The following TSC2 variants were observed in gnomAD, a reference collection of about 807,000 sequenced individuals.
The protein encoded by TSC2 is TSC complex subunit 2, also known as tuberin.
TSC2 carries 29 observed loss-of-function variants against 202.2 expected under a neutral mutation model. The ratio of observed to expected loss-of-function variants is 0.14; its 90% CI spans 0.11 to 0.20. TSC2 has a LOEUF of 0.20. Ranked by LOEUF, TSC2 falls within the 10% of genes least tolerant of loss-of-function variation. The pLI is 1.00. For missense variants in TSC2, 2,429 were observed against 2,420.0 expected (o/e 1.00, Z -0.08); for synonymous variants, 1,349 against 1,044.0 (o/e 1.29, Z -5.63).
At chr16:2,061,575 G>A (rs1181880607) in intron 11 of TSC2, 2 of 477,376 alleles carry the variant, frequency 4.2e-6, no homozygotes, top group Non-Finnish European at 7.8e-6. Flanking sequence ...TCCTTGGGGG[G>A]TGGGGTACGG....
Position 2,079,787 on chromosome 16 carries a change from C to A in TSC2, c.3397+118C>A. On this transcript the variant is annotated intron_variant, in intron 29 of 41. Transcript: ENST00000219476. The surrounding 1 kb of genome is among the most constrained non-coding windows in gnomAD (Gnocchi z 4.6). Reference sequence around the variant, plus strand: ...CCGGGGTGGCTGGCTTCAGGCCCGGCCCACGTCCTGACTCTGGGGTGAGCC... The same window carrying A: ...CCGGGGTGGCTGGCTTCAGGCCCGGACCACGTCCTGACTCTGGGGTGAGCC... 3 of 1,016,318 alleles carry A rather than the reference C, an allele frequency of 3.0e-6. No homozygotes were observed. Among genetic ancestry groups the A allele is most frequent in the Non-Finnish European group, 4.3e-6 (3 of 705,056 alleles). The allele number at this position is 1,016,318 out of a possible 1,614,324, so 63.0% of individuals were successfully genotyped here.
Position 2,079,480 on chromosome 16 carries a change from C to G in TSC2, c.3284+52C>G, listed in dbSNP as rs374861685. The G allele has an allele frequency of 7.5e-6, 12 of 1,610,610 alleles. No homozygotes were observed. The highest frequency in any genetic ancestry group is 1.6e-4 in the Middle Eastern group (1 of 6,076). On this transcript the variant is annotated intron_variant, in intron 28 of 41. Transcript: ENST00000219476. This position sits in a 1 kb window ranked among gnomAD's most constrained non-coding sequence, Gnocchi z 4.6. ...CCTGCCAGCCTCGACACCGGCTGTC[C>G]CGAGCCCAGGCCCACGTGGCACCCT...
chr16:2,088,243 A>C lies in TSC2; in HGVS notation c.5177A>C (p.His1726Pro), dbSNP rs1555440475. ...ALHANMASQV[H>P]HSRSNPTDIY... Reference sequence around the variant, plus strand: ...CGTCCCCAGATGGCCTCACAGGTGCATCATAGCCGCTCCAACCCCACCGAT... The same window carrying C: ...CGTCCCCAGATGGCCTCACAGGTGCCTCATAGCCGCTCCAACCCCACCGAT... Residue 1726 changes from histidine to proline, a missense_variant, in exon 41 of 42, where the codon CAT becomes CCT. By Grantham distance (77) the His-to-Pro change is moderately conservative. Transcript: ENST00000219476. 1 of 1,601,420 alleles carries C rather than the reference A, an allele frequency of 6.2e-7. No homozygotes were observed. Among genetic ancestry groups the C allele is most frequent in the Non-Finnish European group, 8.5e-7 (1 of 1,175,494 alleles).
At chr16:2,070,188 C>T (rs553445041) in intron 16 of TSC2, among the ~76,000 whole-genome samples, 1 of 152,322 alleles carries the variant, frequency 6.6e-6, no homozygotes, top group Admixed American at 6.5e-5. Context: ...CCATTCTGCC[C>T]TGTCTGCCAC....
Position 2,072,229 on chromosome 16 carries a change from C to T in TSC2, c.2098-12C>T, listed in dbSNP as rs1460403520. 11 of 1,613,968 alleles carry T rather than the reference C, an allele frequency of 6.8e-6. No individual in the cohort carries two copies. Among genetic ancestry groups the T allele is most frequent in the Non-Finnish European group, 9.3e-6 (11 of 1,180,048 alleles). ...CCAGAAGGCCCTGTCCTGACGCCTC[C>T]TCTCCTCGCAGGAGTCTGACTGGAA... is the stretch of plus-strand genomic sequence containing the variant. On this transcript the variant is annotated splice_polypyrimidine_tract_variant and intron_variant, in intron 19 of 41. Coordinates refer to ENST00000219476, the MANE Select transcript of TSC2 (RefSeq NM_000548.5).
At position 2,080,146 on chromosome 16, in the gene TSC2, C is replaced by T. The variant is rs969734217; in HGVS notation, c.3398-19C>T. On this transcript the variant is annotated intron_variant, in intron 29 of 41. Coordinates refer to ENST00000219476, the MANE Select transcript of TSC2 (RefSeq NM_000548.5). ...CATCAGGTAAGTGGTGGTCACCAGTCCTCTGCCCTCTTCTTCAGGGGGCCA... is the reference window on the plus strand; with the variant it reads ...CATCAGGTAAGTGGTGGTCACCAGTTCTCTGCCCTCTTCTTCAGGGGGCCA... 19 of 1,612,674 alleles carry T rather than the reference C, an allele frequency of 1.2e-5. No homozygotes were observed. The highest frequency in any genetic ancestry group is 6.7e-5 in the African/African-American group (5 of 74,946).
In TSC2 at chr16:2,070,451, T is replaced by TG. The variant is rs777185917; in HGVS notation, c.1717-4dup. ...GCCGTGGTGAGCTGCGTCCTCTCTC[T>TG]GCAGACCAAGCTGTACACCCTGCCT... On this transcript the variant is annotated splice_region_variant and splice_polypyrimidine_tract_variant and intron_variant, in intron 16 of 41. Coordinates refer to ENST00000219476, the MANE Select transcript of TSC2 (RefSeq NM_000548.5). The TG allele has an allele frequency of 3.1e-6, 5 of 1,613,396 alleles. No homozygotes were observed. The South Asian group carries it at 5.5e-5, about 18-fold the overall frequency.
rs749434353 is a variant in TSC2 at position 2,064,324 on chromosome 16, A to C, written c.1496A>C (p.Asp499Ala). The change falls in exon 15 of 42, where the codon GAT (aspartate) becomes GCT (alanine). Residue 499 changes from aspartate (D) to alanine (A), a missense_variant. Transcript: ENST00000219476. ...VISQLSHIPE[D>A]KDHQVRKLAT... ...TCGCAGCTCTCCCACATCCCCGAGG[A>C]TAAAGACCACCAGGTCCGAAAGCTG... The C allele has an allele frequency of 6.2e-7, 1 of 1,613,720 alleles. No individual in the cohort carries two copies.
At chr16:2,061,790 G>A in intron 11 of TSC2, 81 bp from the exon 12 acceptor site, 2 of 1,609,742 alleles carry the variant, frequency 1.2e-6, no homozygotes, top group South Asian at 1.1e-5. Context: ...TCTCCATGCG[G>A]TGGGTGTGTA....
chr16:2,048,986 C>G (rs1043349089), intron 2 of TSC2, among the ~76,000 whole-genome samples: 2 of 152,174 alleles, frequency 1.3e-5, no homozygotes, highest in African/African-American at 4.8e-5. Flanking sequence ...TGAAAGAAAG[C>G]CCATCTTATA....
intron 32 of TSC2, chr16:2,082,801 C>T (rs947481651): frequency 1.3e-5 from 7 of 531,876 alleles, no homozygotes; most frequent in Non-Finnish European, 2.4e-5. Flanking sequence ...ATCAGCTGAG[C>T]TGCAGACTCT....
chr16:2,057,283 T>A, intron 9 of TSC2, 105 bp downstream of exon 9: 7 of 1,374,272 alleles, frequency 5.1e-6, no homozygotes, highest in Non-Finnish European at 7.1e-6. Flanking sequence ...GTCCTTGTCC[T>A]CTCGGGCAGC....
intron 17 of TSC2, among the ~76,000 whole-genome samples, chr16:2,071,207 C>G (rs1323888614): frequency 1.3e-5 from 2 of 152,168 alleles, no homozygotes; most frequent in African/African-American, 2.4e-5. Context: ...CAGTTGGGGG[C>G]GTGTGGTGCT....
intron 10 of TSC2, 80 bp from the exon 11 acceptor site, chr16:2,060,590 G>A (rs577256369): frequency 1.4e-5 from 22 of 1,608,310 alleles, no homozygotes; most frequent in Middle Eastern, 1.7e-4. Context: ...TGCTACTCTC[G>A]GTCCCAAGGG....
intron 16 of TSC2, 21 bp downstream of exon 16, chr16:2,065,656 C>G: frequency 6.2e-7 from 1 of 1,606,296 alleles, no homozygotes; most frequent in South Asian, 1.1e-5. Context: ...TGCACGAGGC[C>G]TCTGCTCCCG....
intron 16 of TSC2, among the ~76,000 whole-genome samples, chr16:2,069,572 T>C (rs991431424): frequency 8.6e-5 from 13 of 151,928 alleles, no homozygotes; most frequent in Admixed American, 2.0e-4. Flanking sequence ...CTCTGCCTCC[T>C]GGGTTCACGC....
At chr16:2,081,869 G>T (rs990998814) in intron 31 of TSC2, 71 bp downstream of exon 31, 1 of 1,569,982 alleles carries the variant, frequency 6.4e-7, no homozygotes. Context: ...ACGGCAATGT[G>T]GCTCCTCTCT....
rs1005027685 is a variant in TSC2, at chr16:2,077,638, T to G, written c.2878T>G (p.Ser960Ala). 2 of 1,612,982 alleles carry G rather than the reference T, an allele frequency of 1.2e-6. No individual in the cohort carries two copies. The highest frequency in any genetic ancestry group is 1.7e-6 in the Non-Finnish European group (2 of 1,179,994). The change falls in exon 26 of 42, where the codon TCT becomes GCT. Residue 960 changes from serine to alanine, a missense_variant. Physicochemically the swap from Ser to Ala is moderately conservative, Grantham distance 99. Coordinates refer to ENST00000219476, the MANE Select transcript of TSC2 (RefSeq NM_000548.5). ...ACCCCCCAAACAAGGCTTGAATAAC[T>G]CTCCACCCGTGAAAGAATTCAAGGA... ...ARPPKQGLNN[S>A]PPVKEFKESS...
intron 2 of TSC2, among the ~76,000 whole-genome samples, chr16:2,049,953 CTTT>C (rs34020463): frequency 5.2e-5 from 7 of 135,436 alleles, no homozygotes; most frequent in African/African-American, 8.1e-5. Flanking sequence ...CTCAGTAAAT[CTTT>C]TTTTTTTTTT....
Sources: gnomAD v4.1 joint callset for allele counts (sites outside exome capture counted in the v4.1 genomes callset) on GRCh38, gnomAD v4.1.1 for gene constraint, Gnocchi (gnomAD v3.1) non-coding constraint, MANE v1.5 for transcripts, NCBI Gene and HGNC (gene_info 2026-07-23, HGNC 2026-07-21) for gene names.